FBXL13: variants seen among roughly 807,000 people sequenced by gnomAD.
FBXL13 encodes the protein F-box and leucine rich repeat protein 13.
A neutral mutation model predicts 83.6 loss-of-function variants in FBXL13; 67 were observed. That is an observed-to-expected ratio of 0.80 (90% confidence interval 0.66 to 0.98). FBXL13 has a LOEUF of 0.98. Ranked by LOEUF, FBXL13 falls within the 50% of genes least tolerant of loss-of-function variation. The pLI, the probability that FBXL13 is intolerant of heterozygous loss-of-function variation, is 0.00. For synonymous variants in FBXL13, 272 were observed against 299.5 expected, an observed-to-expected ratio of 0.91 and a Z score of 0.95; for missense variants, 822 against 866.5, an observed-to-expected ratio of 0.95 and a Z score of 0.64.
intron 2 of FBXL13, among the ~76,000 whole-genome samples, chr7:103,039,714 T>A (rs1313649088): frequency 6.6e-6 from 1 of 152,054 alleles, no homozygotes; most frequent in East Asian, 1.9e-4. Context: ...GAATCTCATA[T>A]CCAGTCAAAC....
intron 2 of FBXL13, among the ~76,000 whole-genome samples, chr7:103,048,207 G>T (rs1436034056): frequency 1.3e-5 from 2 of 151,940 alleles, no homozygotes; most frequent in Admixed American, 6.6e-5. Flanking sequence ...ATTTTGGGAA[G>T]CCTATTAAAT....
intron 19 of FBXL13, among the ~76,000 whole-genome samples, chr7:102,821,151 C>A (rs995394335): frequency 2.6e-5 from 4 of 152,142 alleles, no homozygotes. Flanking sequence ...ACTCCTAGGA[C>A]CCTATTTCAT....
exon 16 of FBXL13, chr7:102,877,467 C>T: frequency 6.4e-7 from 1 of 1,572,850 alleles, no homozygotes; most frequent in Non-Finnish European, 8.6e-7. Context: ...ATTTTTTTAC[C>T]TCATTAGAGA....
intron 11 of FBXL13, among the ~76,000 whole-genome samples, chr7:102,894,269 T>A (rs914789846): frequency 1.3e-5 from 2 of 152,228 alleles, no homozygotes; most frequent in African/African-American, 4.8e-5. Context: ...TTGCAGTTTG[T>A]ACAGCCTACC....
intron 2 of FBXL13, among the ~76,000 whole-genome samples, chr7:103,036,107 T>C (rs763149464): frequency 6.6e-6 from 1 of 152,162 alleles, no homozygotes; most frequent in Non-Finnish European, 1.5e-5. Flanking sequence ...AGGATCTAGG[T>C]TGTGCATTCC....
At position 102,929,985 on chromosome 7, in the gene FBXL13, G is replaced by A. The variant is rs141114092; in HGVS notation, c.777+1896C>T. On this transcript the variant is annotated intron_variant, in intron 9 of 19. Coordinates refer to ENST00000313221, the Ensembl canonical transcript of FBXL13. ...GAAAGACCCGATAGCATTGAAGAGT[G>A]TGTTAAAGAATGAACAGGTGTTAGC... 9.0e-4 allele frequency among the ~76,000 whole-genome samples: 137 copies of A among 152,250 alleles called. 1 individual carries two copies. Among genetic ancestry groups the A allele is most frequent in the African/African-American group, 3.2e-3 (134 of 41,556 alleles).
intron 9 of FBXL13, among the ~76,000 whole-genome samples, chr7:102,929,432 C>T (rs1386786865): frequency 6.6e-5 from 10 of 151,952 alleles, no homozygotes; most frequent in South Asian, 6.2e-4. Flanking sequence ...GAGGCCGAGG[C>T]GGGTGGATCA....
intron 9 of FBXL13, 92 bp from the exon 11 acceptor site, chr7:102,926,466 G>A: frequency 6.4e-6 from 6 of 933,580 alleles, no homozygotes; most frequent in African/African-American, 3.4e-5. Flanking sequence ...TCCTGTTCCA[G>A]AAAAAAATAC....
intron 2 of FBXL13, among the ~76,000 whole-genome samples, chr7:103,038,080 C>T (rs916812593): frequency 6.6e-6 from 1 of 152,110 alleles, no homozygotes; most frequent in African/African-American, 2.4e-5. Context: ...CCTGGGAAAA[C>T]GGTACATGCC....
At chr7:102,834,883 TG>T (rs1184059511) in intron 17 of FBXL13, among the ~76,000 whole-genome samples, 3 of 87,278 alleles carry the variant, frequency 3.4e-5, no homozygotes, top group African/African-American at 5.3e-5. Context: ...CCACAATGTG[TG>T]TGTGTGTGTG....
chr7:103,027,884 C>T (rs1048326247), intron 4 of FBXL13, among the ~76,000 whole-genome samples: 1 of 152,116 alleles, frequency 6.6e-6, no homozygotes, highest in Non-Finnish European at 1.5e-5. Context: ...GAAATACAGT[C>T]ATAAGGTAGC....
chr7:102,978,103 T>C (rs1827739017), intron 6 of FBXL13, among the ~76,000 whole-genome samples: 1 of 152,108 alleles, frequency 6.6e-6, no homozygotes, highest in Non-Finnish European at 1.5e-5. Flanking sequence ...ACTTAAAGTA[T>C]AATAATAAAA....
At chr7:102,980,267 C>T (rs1263275959) in intron 6 of FBXL13, among the ~76,000 whole-genome samples, 1 of 152,120 alleles carries the variant, frequency 6.6e-6, no homozygotes, top group Non-Finnish European at 1.5e-5. Flanking sequence ...GACATATAGA[C>T]CAATGGAATA....
intron 10 of FBXL13, among the ~76,000 whole-genome samples, chr7:102,917,377 G>C (rs936919438): frequency 2.6e-5 from 4 of 152,172 alleles, no homozygotes; most frequent in African/African-American, 9.7e-5. Flanking sequence ...AAAGAGCAAA[G>C]ATCATAATAG....
chr7:102,911,880 T>C (rs879529922), intron 11 of FBXL13, among the ~76,000 whole-genome samples: 4 of 152,186 alleles, frequency 2.6e-5, no homozygotes, highest in Non-Finnish European at 4.4e-5. Flanking sequence ...CAAATATGAA[T>C]GTTAGATGTT....
At chr7:103,007,270 G>GA (rs1405340260) in intron 6 of FBXL13, among the ~76,000 whole-genome samples, 1 of 151,500 alleles carries the variant, frequency 6.6e-6, no homozygotes, top group Non-Finnish European at 1.5e-5. Context: ...CAAGCATAAA[G>GA]AAAATCACAT....
intron 8 of FBXL13, among the ~76,000 whole-genome samples, chr7:102,960,152 C>T (rs1585138758): frequency 1.3e-5 from 2 of 151,688 alleles, no homozygotes; most frequent in African/African-American, 2.4e-5. Context: ...ATTGATGATC[C>T]ATAGAAATAC....
At chr7:102,884,247 A>G in exon 12 of FBXL13, 1 of 1,613,834 alleles carries the variant, frequency 6.2e-7, no homozygotes, top group South Asian at 1.1e-5. Flanking sequence ...TTGGCATGTC[A>G]TTAATGGTAA....
intron 8 of FBXL13, among the ~76,000 whole-genome samples, chr7:102,958,982 A>G (rs370972269): frequency 4.6e-5 from 7 of 152,138 alleles, no homozygotes; most frequent in African/African-American, 1.7e-4. Context: ...ACTCCTGCAT[A>G]TCCCTGCTAC....
Sources: gnomAD v4.1 joint callset for allele counts (sites outside exome capture counted in the v4.1 genomes callset) on GRCh38, gnomAD v4.1.1 for gene constraint, MANE v1.5 for transcripts, NCBI Gene and HGNC (gene_info 2026-07-23, HGNC 2026-07-21) for gene names.